MCM9: variants seen among roughly 807,000 people sequenced by gnomAD.
MCM9 encodes minichromosome maintenance 9 homologous recombination repair factor, also known as DNA helicase MCM9.
Under a neutral mutation model 72.8 loss-of-function variants are expected in MCM9, and 55 were observed. The ratio of observed to expected loss-of-function variants is 0.76; its 90% CI spans 0.61 to 0.95. MCM9 has a LOEUF of 0.95. Among genes scored for constraint, MCM9 ranks in the 40% least tolerant of loss-of-function variants. MCM9 has a pLI of 0.00. For synonymous variants in MCM9, 480 were observed against 503.4 expected (o/e 0.95, Z 0.62); for missense variants, 1,279 against 1,377.0 (o/e 0.93, Z 1.13).
intron 3 of MCM9, among the ~76,000 whole-genome samples, chr6:118,924,572 G>C (rs1417405187): frequency 6.6e-6 from 1 of 152,032 alleles, no homozygotes; most frequent in South Asian, 2.1e-4. Flanking sequence ...GTAGCATGAC[G>C]ACCACAGAGT....
At chr6:118,824,762 T>C (rs1774054535) in intron 13 of MCM9, among the ~76,000 whole-genome samples, 1 of 152,162 alleles carries the variant, frequency 6.6e-6, no homozygotes, top group Non-Finnish European at 1.5e-5. Context: ...TAAAAACTCA[T>C]ATGCTGGTTG....
At chr6:118,933,812 G>A (rs1174677131) in intron 1 of MCM9, among the ~76,000 whole-genome samples, 1 of 152,098 alleles carries the variant, frequency 6.6e-6, no homozygotes, top group African/African-American at 2.4e-5. Context: ...CAGAGTGAGA[G>A]TAAGAATGAG....
At chr6:118,906,336 G>C (rs1209438366) in intron 8 of MCM9, among the ~76,000 whole-genome samples, 1 of 152,138 alleles carries the variant, frequency 6.6e-6, no homozygotes, top group Non-Finnish European at 1.5e-5. Flanking sequence ...ACCTCCCAAA[G>C]TGCTGGGATT....
rs1250100840 is a variant in MCM9 at position 118,930,462 on chromosome 6, C to T, written c.304+958G>A. 2.6e-5 allele frequency among the ~76,000 whole-genome samples: 4 copies of T among 152,246 alleles called. No individual in the cohort carries two copies. The East Asian group carries it at 7.7e-4, about 29-fold the overall frequency. ...GGGTATGTATGTTCTCCAACTTAAT[C>T]ACAGACTGCCCTCAATATTCTGGAC... On this transcript the variant is annotated intron_variant, in intron 3 of 13. Transcript: ENST00000619706.
At chr6:118,918,047 T>C (rs1172318181) in intron 5 of MCM9, 3 of 413,126 alleles carry the variant, frequency 7.3e-6, no homozygotes, top group Middle Eastern at 6.5e-4. Flanking sequence ...ACTGGGAAAA[T>C]AGTTTACTGG....
At chr6:118,875,255 T>A (rs146171235) in intron 8 of MCM9, among the ~76,000 whole-genome samples, 1 of 152,188 alleles carries the variant, frequency 6.6e-6, no homozygotes, top group Non-Finnish European at 1.5e-5. Context: ...TGAAAAGATA[T>A]TCCATTTTCA....
At chr6:118,827,885 C>G in intron 11 of MCM9, 42 bp downstream of exon 11, 1 of 1,532,374 alleles carries the variant, frequency 6.5e-7, no homozygotes, top group Non-Finnish European at 8.8e-7. Flanking sequence ...CTTGCACACA[C>G]GCAGCATTCA....
At chr6:118,881,982 G>A (rs1056232151) in intron 8 of MCM9, among the ~76,000 whole-genome samples, 22 of 152,120 alleles carry the variant, frequency 1.4e-4, no homozygotes, top group African/African-American at 5.1e-4. Flanking sequence ...ATCGTACCAG[G>A]AGGGGTAGAA....
chr6:118,931,745 A>G lies in MCM9; in HGVS notation c.-15-7T>C, dbSNP rs1346071352. ...TCATCTTGAATCTAGGTAACTAAAG[A>G]AAAAAAAAAGGATCATATTATATAT... On this transcript the variant is annotated splice_polypyrimidine_tract_variant and splice_region_variant and intron_variant, in intron 2 of 13. Transcript: ENST00000619706. 7 of 1,445,862 alleles carry G rather than the reference A, an allele frequency of 4.8e-6. 1 individual carries two copies. The South Asian group carries it at 9.4e-5, about 19-fold the overall frequency. The allele number at this position is 1,445,862 out of a possible 1,614,324, so 89.6% of individuals were successfully genotyped here. A position where few individuals can be genotyped will look rare whatever the true frequency, so the allele number is the denominator to read the frequency against.
chr6:118,840,927 G>A (rs147125360), intron 9 of MCM9, among the ~76,000 whole-genome samples: 2 of 152,152 alleles, frequency 1.3e-5, no homozygotes, highest in African/African-American at 4.8e-5. Context: ...TAGAGTCAGT[G>A]TTTTGCTATG....
At chr6:118,919,813 C>A (rs1781288458) in intron 5 of MCM9, 2 of 152,236 alleles carry the variant, frequency 1.3e-5, no homozygotes, top group African/African-American at 2.4e-5. Context: ...TCAGACCCAT[C>A]TCTCGGATCT....
At chr6:118,893,526 T>A (rs1408331709) in intron 8 of MCM9, among the ~76,000 whole-genome samples, 1 of 152,172 alleles carries the variant, frequency 6.6e-6, no homozygotes, top group Non-Finnish European at 1.5e-5. Context: ...CTATTTAAAT[T>A]TTCCAAGCAC....
chr6:118,918,518 G>GC (rs1255360340), intron 5 of MCM9: 5 of 152,130 alleles, frequency 3.3e-5, no homozygotes, highest in Non-Finnish European at 5.9e-5. Flanking sequence ...GCCAAACACT[G>GC]CCATCTGTAC....
chr6:118,882,604 C>G (rs1302981635), intron 8 of MCM9, among the ~76,000 whole-genome samples: 4 of 152,184 alleles, frequency 2.6e-5, no homozygotes, highest in Non-Finnish European at 5.9e-5. Flanking sequence ...GAGCAATCAA[C>G]AACTAGAGCC....
In MCM9 at chr6:118,931,535, A is replaced by T; in HGVS notation, c.189T>A (p.Ser63Arg). The T allele has an allele frequency of 6.2e-7, 1 of 1,614,204 alleles. No homozygotes were observed. The highest frequency in any genetic ancestry group is 8.5e-7 in the Non-Finnish European group (1 of 1,180,040). Residue 63 changes from serine to arginine, a missense_variant, in exon 3 of 14, where the codon AGT (serine) becomes AGA (arginine). Coordinates refer to ENST00000619706, the MANE Select transcript of MCM9 (RefSeq NM_017696.3). The stretch of plus-strand genomic sequence containing the variant: ...CACTATCAAAAATTGTAAGCACTTC[A>T]CTGGGGAACATGTTGAAATATTCCC... ...EIGEYFNMFPSEVLTIFDSAL... is the reference protein window; with the variant it reads ...EIGEYFNMFPREVLTIFDSAL...
rs1008007777 is a variant in MCM9, at chr6:118,934,908, G to C, written c.-167C>G. On this transcript the variant is annotated 5_prime_UTR_variant, in exon 1 of 14. Coordinates refer to ENST00000619706, the MANE Select transcript of MCM9 (RefSeq NM_017696.3). ...TCACTTACTGGCTGTGTCAGAAGTC[G>C]CCGGGAACGCGTTGCTCCCGAGGCC... The C allele has an allele frequency of 5.3e-5, 8 of 152,234 alleles. No homozygotes were observed. The highest frequency in any genetic ancestry group is 3.9e-4 in the Admixed American group (6 of 15,288). The allele number at this position is 152,234 out of a possible 1,614,324, so 9.4% of individuals were successfully genotyped here. A position where few individuals can be genotyped will look rare whatever the true frequency, so the allele number is the denominator to read the frequency against.
intron 8 of MCM9, chr6:118,894,672 G>C (rs533485421): frequency 1.5e-6 from 1 of 682,886 alleles, no homozygotes; most frequent in Non-Finnish European, 2.4e-6. Context: ...GATGGACGAC[G>C]GCCGCCGAGG....
chr6:118,912,176 A>T (rs912740185), intron 7 of MCM9: 4 of 153,080 alleles, frequency 2.6e-5, no homozygotes, highest in African/African-American at 9.6e-5. Flanking sequence ...TTGGCTTATA[A>T]AGTTTCTGAT....
Position 118,826,193 on chromosome 6 carries a change from G to C in MCM9, c.1915C>G (p.Leu639Val), listed in dbSNP as rs199736537. ...QRQCELILEKLELQSLLSEEL... is the reference protein window; with the variant it reads ...QRQCELILEKVELQSLLSEEL... ...TCACTCAAGAGGCTCTGCAGCTCTAGCTTTTCCAGAATAAGTTCACACTGT... is the reference window on the plus strand; with the variant it reads ...TCACTCAAGAGGCTCTGCAGCTCTACCTTTTCCAGAATAAGTTCACACTGT... The change falls in exon 13 of 14, where the codon CTA (leucine) becomes GTA (valine). Residue 639 changes from leucine to valine, a missense_variant. Physicochemically the swap from Leu to Val is conservative, Grantham distance 32 (BLOSUM62 1). Transcript: ENST00000619706. 1.4e-3 allele frequency: 2,116 copies of C among 1,550,474 alleles called. 1 individual carries two copies. The highest frequency in any genetic ancestry group is 1.8e-3 in the Non-Finnish European group (2,040 of 1,146,918).
Sources: gnomAD v4.1 joint callset for allele counts (sites outside exome capture counted in the v4.1 genomes callset) on GRCh38, gnomAD v4.1.1 for gene constraint, MANE v1.5 for transcripts, NCBI Gene and HGNC (gene_info 2026-07-23, HGNC 2026-07-21) for gene names.